CADM2: variants seen among roughly 807,000 people sequenced by gnomAD.
The protein encoded by CADM2 is cell adhesion molecule 2.
A neutral mutation model predicts 49.8 loss-of-function variants in CADM2; 12 were observed. The ratio of observed to expected loss-of-function variants is 0.24; its 90% CI spans 0.15 to 0.39. CADM2 has a LOEUF of 0.39. Among genes scored for constraint, CADM2 ranks in the 10% least tolerant of loss-of-function variants. CADM2 has a pLI of 1.00. For missense variants in CADM2, 378 were observed against 492.3 expected, an observed-to-expected ratio of 0.77 and a Z score of 2.20; for synonymous variants, 214 against 175.4, an observed-to-expected ratio of 1.22 and a Z score of -1.74.
intron 8 of CADM2, among the ~76,000 whole-genome samples, chr3:86,022,385 G>A (rs1016915934): frequency 6.6e-6 from 1 of 151,974 alleles, no homozygotes; most frequent in Non-Finnish European, 1.5e-5. Context: ...CTTTGTAATA[G>A]TTTAATAGTG....
At chr3:85,616,646 A>G (rs543953416) in intron 1 of CADM2, among the ~76,000 whole-genome samples, 2 of 152,274 alleles carry the variant, frequency 1.3e-5, no homozygotes, top group East Asian at 1.9e-4. Context: ...CCACTGAACA[A>G]CACTGTCTCA....
intron 1 of CADM2, among the ~76,000 whole-genome samples, chr3:85,135,418 A>G (rs544949247): frequency 1.6e-4 from 25 of 152,170 alleles, no homozygotes; most frequent in African/African-American, 5.5e-4. Context: ...TATTGGCACA[A>G]TATAATTTTG....
At chr3:86,061,574 A>G (rs866867881) in intron 8 of CADM2, among the ~76,000 whole-genome samples, 2 of 152,174 alleles carry the variant, frequency 1.3e-5, no homozygotes, top group Non-Finnish European at 2.9e-5. Flanking sequence ...AAAGATTTGT[A>G]TGCATATAAT....
intron 1 of CADM2, among the ~76,000 whole-genome samples, chr3:85,489,226 T>A (rs944414586): frequency 6.6e-6 from 1 of 152,182 alleles, no homozygotes; most frequent in African/African-American, 2.4e-5. Context: ...TGTGTTTACA[T>A]CAATATGAAA....
chr3:85,904,995 T>A (rs1332889026), intron 5 of CADM2, among the ~76,000 whole-genome samples: 1 of 152,170 alleles, frequency 6.6e-6, no homozygotes, highest in East Asian at 1.9e-4. Flanking sequence ...CCCCTTTTTT[T>A]GTAAAATTTA....
chr3:85,779,323 C>G (rs1259442802), intron 2 of CADM2, among the ~76,000 whole-genome samples: 1 of 152,080 alleles, frequency 6.6e-6, no homozygotes, highest in Non-Finnish European at 1.5e-5. Flanking sequence ...AAAGCCTCTG[C>G]AGTTTTGCGC....
intron 1 of CADM2, among the ~76,000 whole-genome samples, chr3:85,526,638 C>A (rs1418175584): frequency 6.6e-6 from 1 of 152,038 alleles, no homozygotes; most frequent in Non-Finnish European, 1.5e-5. Flanking sequence ...ATTAATAATT[C>A]CAAGCTTATA....
intron 1 of CADM2, among the ~76,000 whole-genome samples, chr3:85,520,475 G>C (rs1187301599): frequency 6.6e-6 from 1 of 151,902 alleles, no homozygotes; most frequent in African/African-American, 2.4e-5. Flanking sequence ...GGAAAATAAT[G>C]TTTTAAGCAC....
chr3:85,000,476 G>A (rs2033409222), intron 1 of CADM2, among the ~76,000 whole-genome samples: 1 of 151,792 alleles, frequency 6.6e-6, no homozygotes, highest in Admixed American at 6.6e-5. Context: ...CTTATTCCAA[G>A]GTTGCTAATA....
chr3:85,881,627 G>A (rs1370160143), intron 3 of CADM2, among the ~76,000 whole-genome samples: 1 of 152,098 alleles, frequency 6.6e-6, no homozygotes, highest in African/African-American at 2.4e-5. Context: ...ATTTGGACAG[G>A]TTGATTTGTC....
chr3:85,759,907 T>C (rs868128880), intron 2 of CADM2, among the ~76,000 whole-genome samples: 2 of 152,256 alleles, frequency 1.3e-5, no homozygotes, highest in South Asian at 4.1e-4. Context: ...AATTCTACTA[T>C]AAATATCTTC....
intron 1 of CADM2, among the ~76,000 whole-genome samples, chr3:85,526,082 C>T (rs182665741): frequency 6.6e-6 from 1 of 152,212 alleles, no homozygotes; most frequent in East Asian, 1.9e-4. Context: ...CCTCGTGAGT[C>T]AGCCAGGCCT....
chr3:86,013,074 C>G, intron 8 of CADM2: 1 of 1,298,692 alleles, frequency 7.7e-7, no homozygotes, highest in South Asian at 1.2e-5. Context: ...TAGGACAGTT[C>G]TTCGAGATAA....
At chr3:85,352,736 G>C (rs1344178961) in intron 1 of CADM2, among the ~76,000 whole-genome samples, 1 of 152,046 alleles carries the variant, frequency 6.6e-6, no homozygotes, top group Non-Finnish European at 1.5e-5. Flanking sequence ...GAGTTAAAAA[G>C]AAAATCACTT....
intron 1 of CADM2, among the ~76,000 whole-genome samples, chr3:85,572,985 G>A (rs1169922524): frequency 1.3e-5 from 2 of 151,682 alleles, no homozygotes; most frequent in African/African-American, 2.4e-5. Flanking sequence ...ACATTACACT[G>A]TACATATTAT....
At chr3:85,205,918 A>C (rs908539207) in intron 1 of CADM2, among the ~76,000 whole-genome samples, 1 of 152,170 alleles carries the variant, frequency 6.6e-6, no homozygotes, top group East Asian at 1.9e-4. Context: ...GAAATAGCTC[A>C]AACTAATTCA....
At chr3:85,120,028 A>G (rs1324969229) in intron 1 of CADM2, among the ~76,000 whole-genome samples, 2 of 152,238 alleles carry the variant, frequency 1.3e-5, no homozygotes, top group African/African-American at 2.4e-5. Flanking sequence ...TGGGCAAAGG[A>G]TATGAACAGA....
At chr3:85,604,801 T>C (rs555014440) in intron 1 of CADM2, among the ~76,000 whole-genome samples, 4 of 152,078 alleles carry the variant, frequency 2.6e-5, no homozygotes, top group South Asian at 2.1e-4. Context: ...TGGATTCTGA[T>C]AGAGGGCTTA....
At chr3:85,131,915 C>A (rs2039241556) in intron 1 of CADM2, among the ~76,000 whole-genome samples, 1 of 149,598 alleles carries the variant, frequency 6.7e-6, no homozygotes. Flanking sequence ...AGTAGAGACA[C>A]ACAGAATAAT....
Sources: allele counts gnomAD v4.1 joint callset (sites outside exome capture counted in the v4.1 genomes callset), GRCh38; gene constraint gnomAD v4.1.1; transcripts MANE v1.5; gene names NCBI Gene and HGNC (gene_info 2026-07-23, HGNC 2026-07-21).